The following AGMAT variants were observed in gnomAD, a reference collection of about 807,000 sequenced individuals.
The protein encoded by AGMAT is agmatinase (putative), also known as guanidino acid hydrolase, mitochondrial.
AGMAT carries 37 observed loss-of-function variants against 29.3 expected under a neutral mutation model. The ratio of observed to expected loss-of-function variants is 1.26; its 90% CI spans 0.97 to 1.66. The LOEUF is 1.66. AGMAT is among the 40% of genes most tolerant of loss of function. The pLI, the probability that AGMAT is intolerant of heterozygous loss-of-function variation, is 0.00. For missense variants in AGMAT, 498 were observed against 497.8 expected (o/e 1.00, Z 0.00); for synonymous variants, 199 against 200.8 (o/e 0.99, Z 0.08).
intron 2 of AGMAT, 122 bp downstream of exon 2, chr1:15,583,071 C>T (rs1639138434): frequency 6.0e-6 from 5 of 833,528 alleles, no homozygotes; most frequent in Admixed American, 2.4e-5. Context: ...TGCTCTCTTT[C>T]CTACTGTCTG....
chr1:15,581,109 A>G (rs1639107602), intron 2 of AGMAT, among the ~76,000 whole-genome samples: 2 of 152,166 alleles, frequency 1.3e-5, no homozygotes, highest in Admixed American at 6.6e-5. Context: ...ACACCTTGGG[A>G]GGCCAAGACA....
intron 2 of AGMAT, among the ~76,000 whole-genome samples, chr1:15,582,039 T>C (rs6679837): frequency 0.63 from 95,024 of 151,730 alleles, 30,777 homozygotes; most frequent in African/African-American, 0.79. Flanking sequence ...AAGGCCGAGG[T>C]GGGCAGATCA....
In AGMAT at chr1:15,583,204, G is replaced by A; in HGVS notation, c.464C>T (p.Pro155Leu). ...CAGACTGACATTACCCAAGGTCAGA[G>A]GAATACAGCCAGCTGCTACAATTTT... is the stretch of plus-strand genomic sequence containing the variant. ...YEKIVAAGCI[P>L]LTLGGDHTIT... is the part of the protein sequence containing the mutation. The change falls in exon 2 of 7, where the codon CCT (proline) becomes CTT (leucine). Residue 155 changes from proline (P) to leucine (L), a missense_variant. Coordinates refer to ENST00000375826, the MANE Select transcript of AGMAT (RefSeq NM_024758.5). 2 of 1,614,054 alleles carry A rather than the reference G, an allele frequency of 1.2e-6. No homozygotes were observed. Among genetic ancestry groups the A allele is most frequent in the Non-Finnish European group, 1.7e-6 (2 of 1,180,020 alleles).
intron 5 of AGMAT, among the ~76,000 whole-genome samples, chr1:15,576,740 C>CTTTTTTTTTTTTTT (rs59203066): frequency 0.054 from 1,925 of 35,778 alleles, 587 homozygotes; most frequent in East Asian, 0.093. Flanking sequence ...GTTTAGTGTT[C>CTTTTTTTTTTTTTT]TTTTTTTTTT....
rs550023211 is a variant in AGMAT, at chr1:15,581,535, A to G, written c.476-1393T>C. ...TCCACATGTGACACACATGTGACAT[A>G]CATGTAGCTAATATGACTTAAGAAA... is the stretch of plus-strand genomic sequence containing the variant. On this transcript the variant is annotated intron_variant, in intron 2 of 6. Transcript: ENST00000375826. Among the ~76,000 whole-genome samples the G allele has an allele frequency of 1.8e-3, 256 of 141,322 alleles. 1 individual carries two copies. Among genetic ancestry groups the G allele is most frequent in the African/African-American group, 6.9e-3 (247 of 35,938 alleles). 92.7% of individuals were successfully genotyped at this position (141,322 alleles called of 152,430 possible).
At chr1:15,578,243 G>C (rs566552214) in intron 4 of AGMAT, among the ~76,000 whole-genome samples, 3 of 152,068 alleles carry the variant, frequency 2.0e-5, no homozygotes, top group African/African-American at 4.8e-5. Context: ...TAGAGGGTAC[G>C]AGGACCAGAA....
At chr1:15,580,263 T>C in intron 2 of AGMAT, 121 bp from the exon 3 acceptor site, 2 of 807,290 alleles carry the variant, frequency 2.5e-6, no homozygotes, top group Non-Finnish European at 3.9e-6. Flanking sequence ...TGGAGTTCAA[T>C]GGCACAATCT....
chr1:15,574,594 T>C (rs1002032942), intron 6 of AGMAT, among the ~76,000 whole-genome samples, 163 bp downstream of exon 6: 10 of 152,016 alleles, frequency 6.6e-5, no homozygotes, highest in African/African-American at 2.4e-4. Context: ...GCCAAATTGG[T>C]CTTGAACTCC....
At chr1:15,574,387 T>C (rs1367942675) in intron 6 of AGMAT, among the ~76,000 whole-genome samples, 1 of 151,666 alleles carries the variant, frequency 6.6e-6, no homozygotes, top group African/African-American at 2.4e-5. Flanking sequence ...TCTTTTTTTT[T>C]TTTTTTTTGA....
Position 15,583,216 on chromosome 1 carries a change from G to A in AGMAT, c.452C>T (p.Ala151Val). The A allele has an allele frequency of 6.2e-7, 1 of 1,614,064 alleles. No homozygotes were observed. The highest frequency in any genetic ancestry group is 8.5e-7 in the Non-Finnish European group (1 of 1,180,024). Residue 151 changes from alanine to valine, a missense_variant, in exon 2 of 7, where the codon GCT becomes GTT. Coordinates refer to ENST00000375826, the MANE Select transcript of AGMAT (RefSeq NM_024758.5). ...IQEAYEKIVA[A>V]GCIPLTLGGD... ...ACCCAAGGTCAGAGGAATACAGCCAGCTGCTACAATTTTCTCATAGGCCTC... is the reference window on the plus strand; with the variant it reads ...ACCCAAGGTCAGAGGAATACAGCCAACTGCTACAATTTTCTCATAGGCCTC...
intron 2 of AGMAT, among the ~76,000 whole-genome samples, chr1:15,582,803 G>A (rs1032425131): frequency 6.6e-6 from 1 of 152,182 alleles, no homozygotes; most frequent in African/African-American, 2.4e-5. Flanking sequence ...TTCAAGACCA[G>A]CCTGGCCAAC....
intron 4 of AGMAT, 152 bp from the exon 5 acceptor site, chr1:15,578,016 G>A (rs1300466460): frequency 1.3e-6 from 1 of 753,586 alleles, no homozygotes; most frequent in East Asian, 2.7e-5. Flanking sequence ...AGGAAGGGAG[G>A]GACAATGAGT....
chr1:15,577,045 C>G (rs999734101), intron 5 of AGMAT, among the ~76,000 whole-genome samples: 1 of 151,526 alleles, frequency 6.6e-6, no homozygotes, highest in African/African-American at 2.4e-5. Context: ...CCACCGTGCC[C>G]GGCCAAGTTT....
intron 2 of AGMAT, among the ~76,000 whole-genome samples, chr1:15,580,632 C>G (rs1043276410): frequency 6.6e-6 from 1 of 152,032 alleles, no homozygotes. Context: ...AAGCTGTGAT[C>G]GTGCCACTGC....
rs1421975033 is a variant in AGMAT at position 15,577,686 on chromosome 1, T to C, written c.899A>G (p.Gln300Arg). The stretch of plus-strand genomic sequence containing the variant: ...TCTTCACTGGTGGAATCTCCTTACC[T>C]GACTAGGAGTGAGACCAGCAATTTC... ...TPEIAGLTPS[Q>R]ALEIIRGCQG... The change falls in exon 5 of 7, where the codon CAG becomes CGG. Residue 300 changes from glutamine (Q) to arginine (R), a missense_variant and splice_region_variant. By Grantham distance (43) the Gln-to-Arg change is conservative. Coordinates refer to ENST00000375826, the MANE Select transcript of AGMAT (RefSeq NM_024758.5). The C allele has an allele frequency of 6.2e-7, 1 of 1,611,264 alleles. No individual in the cohort carries two copies. The highest frequency in any genetic ancestry group is 1.7e-5 in the Admixed American group (1 of 59,926).
rs1440417493 is a variant in AGMAT at position 15,583,158 on chromosome 1, A to C, written c.475+35T>G. 7 of 1,603,864 alleles carry C rather than the reference A, an allele frequency of 4.4e-6. No individual in the cohort carries two copies. The South Asian group carries it at 7.7e-5, about 18-fold the overall frequency. On this transcript the variant is annotated intron_variant, in intron 2 of 6. Transcript: ENST00000375826. ...TACAGGATAAGTAAACCCTGAGTGC[A>C]GGGAACTACTCTGGCTCTTGCAGAC...
intron 5 of AGMAT, among the ~76,000 whole-genome samples, chr1:15,576,585 G>T (rs1449306612): frequency 5.3e-5 from 8 of 150,816 alleles, no homozygotes; most frequent in African/African-American, 1.7e-4. Flanking sequence ...GCCTGCCACC[G>T]TGCCGGGCTG....
intron 3 of AGMAT, among the ~76,000 whole-genome samples, 178 bp downstream of exon 3, chr1:15,579,916 C>T (rs929612215): frequency 3.9e-5 from 6 of 152,146 alleles, no homozygotes; most frequent in Non-Finnish European, 8.8e-5. Context: ...AATAAATTGT[C>T]TTGGCTTCTA....
chr1:15,584,942 C>G lies in AGMAT; in HGVS notation c.26G>C (p.Cys9Ser). The G allele has an allele frequency of 6.6e-6, 9 of 1,363,976 alleles. No individual in the cohort carries two copies. The highest frequency in any genetic ancestry group is 8.4e-6 in the Non-Finnish European group (9 of 1,066,990). The allele number at this position is 1,363,976 out of a possible 1,614,324, so 84.5% of individuals were successfully genotyped here. A position where few individuals can be genotyped will look rare whatever the true frequency, so the allele number is the denominator to read the frequency against. Residue 9 changes from cysteine (C) to serine (S), a missense_variant, in exon 1 of 7, where the codon TGC becomes TCC. Coordinates refer to ENST00000375826, the MANE Select transcript of AGMAT (RefSeq NM_024758.5). ...CACGCCGGGCCCCGGGCCCCGGGCG[C>G]ACCCGGACGCCAGCAGCCTCAGCAT... MLRLLASG[C>S]ARGPGPGVGA...
Sources: allele counts gnomAD v4.1 joint callset (sites outside exome capture counted in the v4.1 genomes callset), GRCh38; gene constraint gnomAD v4.1.1; transcripts MANE v1.5; gene names NCBI Gene and HGNC (gene_info 2026-07-23, HGNC 2026-07-21).